The following ARRB1 variants were observed in gnomAD, a reference collection of about 807,000 sequenced individuals.
ARRB1 encodes beta-arrestin-1.
ARRB1 carries 21 observed loss-of-function variants against 56.8 expected under a neutral mutation model. That is an observed-to-expected ratio of 0.37 (90% confidence interval 0.26 to 0.53). The LOEUF (loss-of-function observed/expected upper bound fraction) is 0.53. Ranked by LOEUF, ARRB1 falls within the 20% of genes least tolerant of loss-of-function variation. The probability of loss-of-function intolerance (pLI) is 0.88; values close to 1 mark genes in which losing one functional copy is unlikely to be tolerated. For synonymous variants in ARRB1, 210 were observed against 218.6 expected, an observed-to-expected ratio of 0.96 and a Z score of 0.35; for missense variants, 424 against 553.7, an observed-to-expected ratio of 0.77 and a Z score of 2.35.
At chr11:75,269,300 C>T (rs927482267) in intron 13 of ARRB1, 6 of 445,294 alleles carry the variant, frequency 1.3e-5, no homozygotes, top group Non-Finnish European at 2.1e-5. Flanking sequence ...GCCCTGGGAC[C>T]CCCCCCCACC....
chr11:75,262,191 G>A lies in ARRB1; in HGVS notation c.*3972C>T, dbSNP rs1157590511. 6.6e-6 allele frequency: 1 copy of A among 152,240 alleles called. No individual in the cohort carries two copies. The highest frequency in any genetic ancestry group is 1.5e-5 in the Non-Finnish European group (1 of 68,058). 9.4% of individuals were successfully genotyped at this position (152,240 alleles called of 1,614,324 possible). A position where few individuals can be genotyped will look rare whatever the true frequency, so the allele number is the denominator to read the frequency against. ...GCCCTTAGATTTCTGCGGATGGGTG[G>A]TTTCAGCTCCCTGAGCCTGGGGGCT... On this transcript the variant is annotated 3_prime_UTR_variant, in exon 16 of 16. Transcript: ENST00000420843.
intron 15 of ARRB1, 26 bp downstream of exon 15, chr11:75,267,626 A>T: frequency 2.6e-6 from 2 of 779,286 alleles, no homozygotes; most frequent in Non-Finnish European, 4.2e-6. Context: ...CCACCCCCGG[A>T]TGTCTGCAGG....
intron 1 of ARRB1, among the ~76,000 whole-genome samples, chr11:75,331,661 T>A (rs367554507): frequency 6.6e-6 from 1 of 150,936 alleles, no homozygotes; most frequent in Non-Finnish European, 1.5e-5. Flanking sequence ...GCAAATCTTA[T>A]AAAACGGCCC....
intron 1 of ARRB1, chr11:75,306,724 G>T: frequency 1.6e-6 from 2 of 1,212,204 alleles, no homozygotes; most frequent in Non-Finnish European, 2.1e-6. Context: ...CCCAAGTGAG[G>T]GGTTAGTTAC....
At chr11:75,339,914 A>G (rs1315468902) in intron 1 of ARRB1, among the ~76,000 whole-genome samples, 1 of 152,174 alleles carries the variant, frequency 6.6e-6, no homozygotes, top group Non-Finnish European at 1.5e-5. Flanking sequence ...GCCCGGGGAG[A>G]TAGTGTTCCA....
rs547932744 is a variant in ARRB1 at position 75,344,715 on chromosome 11, C to T, written c.20+6873G>A. Among the ~76,000 whole-genome samples, 8 of 152,308 alleles carry T rather than the reference C, an allele frequency of 5.3e-5. No individual in the cohort carries two copies. In the South Asian group the frequency reaches 1.5e-3, roughly 28 times the overall value. ...GCCCAGGAACCATCTGAGATGATAC[C>T]TATTCTAATCCCAGGGCTCATGTGG... is the stretch of plus-strand genomic sequence containing the variant. On this transcript the variant is annotated intron_variant, in intron 1 of 15. Coordinates refer to ENST00000420843, the MANE Select transcript of ARRB1 (RefSeq NM_004041.5).
rs1242080136 is a variant in ARRB1 at position 75,272,006 on chromosome 11, T to C, written c.999-282A>G. On this transcript the variant is annotated intron_variant, in intron 12 of 15. Transcript: ENST00000420843. The stretch of plus-strand genomic sequence containing the variant: ...GCAGTGTAAAAATTAACCCCAGTGC[T>C]GCCTGTCCCAAGGGAGGCCGGACTA... Among the ~76,000 whole-genome samples the C allele has an allele frequency of 4.6e-5, 7 of 152,326 alleles. No homozygotes were observed. In the East Asian group the frequency reaches 1.2e-3, roughly 25 times the overall value.
At chr11:75,326,453 A>G (rs1208711423) in intron 1 of ARRB1, among the ~76,000 whole-genome samples, 2 of 152,228 alleles carry the variant, frequency 1.3e-5, no homozygotes, top group Non-Finnish European at 2.9e-5. Context: ...AAAGATGAAG[A>G]TTCTCATAAT....
At chr11:75,269,259 T>G in intron 13 of ARRB1, 3 of 607,770 alleles carry the variant, frequency 4.9e-6, no homozygotes, top group South Asian at 1.5e-5. Flanking sequence ...CGGGGCAGCA[T>G]GCACCGTGGT....
chr11:75,313,519 G>A (rs537682442), intron 1 of ARRB1, among the ~76,000 whole-genome samples: 1 of 152,308 alleles, frequency 6.6e-6, no homozygotes, highest in Admixed American at 6.5e-5. Flanking sequence ...GAGAGAACTG[G>A]AGAAGGTTAA....
chr11:75,350,249 G>A (rs1339400285), intron 1 of ARRB1, among the ~76,000 whole-genome samples: 1 of 152,188 alleles, frequency 6.6e-6, no homozygotes, highest in East Asian at 1.9e-4. Flanking sequence ...CCGGGGTGGT[G>A]TCTCTCTAGT....
rs1427141489 is a variant in ARRB1 at position 75,264,492 on chromosome 11, T to C, written c.*1671A>G. 1.3e-5 allele frequency: 2 copies of C among 152,258 alleles called. No individual in the cohort carries two copies. Among genetic ancestry groups the C allele is most frequent in the Admixed American group, 6.5e-5 (1 of 15,284 alleles). 9.4% of individuals were successfully genotyped at this position (152,258 alleles called of 1,614,324 possible). A position where few individuals can be genotyped will look rare whatever the true frequency, so the allele number is the denominator to read the frequency against. ...CCCCTCAGCCAAGCCTCAGCAAAGA[T>C]ATGCTCTGTCCCTCCTTGGGCAACT... On this transcript the variant is annotated 3_prime_UTR_variant, in exon 16 of 16. Transcript: ENST00000420843.
chr11:75,326,370 C>A (rs1043162483), intron 1 of ARRB1, among the ~76,000 whole-genome samples: 1 of 152,212 alleles, frequency 6.6e-6, no homozygotes, highest in African/African-American at 2.4e-5. Flanking sequence ...ACACGTAGTA[C>A]TTACTTTGTG....
At chr11:75,286,595 C>T (rs1033543686) in intron 3 of ARRB1, among the ~76,000 whole-genome samples, 5 of 152,016 alleles carry the variant, frequency 3.3e-5, no homozygotes, top group Non-Finnish European at 5.9e-5. Flanking sequence ...CTAACTGGAG[C>T]GTGAGGTACT....
At chr11:75,303,290 C>A (rs913897777) in intron 1 of ARRB1, among the ~76,000 whole-genome samples, 24 of 152,214 alleles carry the variant, frequency 1.6e-4, no homozygotes, top group Non-Finnish European at 1.6e-4. Context: ...GTGTGAGCCA[C>A]TGTGCCCCAC....
chr11:75,325,618 T>C (rs1192307445), intron 1 of ARRB1, among the ~76,000 whole-genome samples: 1 of 152,206 alleles, frequency 6.6e-6, no homozygotes, highest in Non-Finnish European at 1.5e-5. Context: ...CCACCATGCC[T>C]GGCCCAGTTT....
intron 1 of ARRB1, among the ~76,000 whole-genome samples, chr11:75,304,168 T>C (rs1461317166): frequency 6.6e-6 from 1 of 152,228 alleles, no homozygotes; most frequent in Non-Finnish European, 1.5e-5. Context: ...TTTGTTTGTT[T>C]TGCCAATTTC....
chr11:75,324,600 A>T (rs1436409997), intron 1 of ARRB1, among the ~76,000 whole-genome samples: 1 of 152,014 alleles, frequency 6.6e-6, no homozygotes, highest in Non-Finnish European at 1.5e-5. Context: ...AGGCCTGGGG[A>T]GTGTGCGTGT....
intron 4 of ARRB1, among the ~76,000 whole-genome samples, chr11:75,283,828 G>A (rs1031923525): frequency 2.6e-5 from 4 of 152,180 alleles, no homozygotes; most frequent in African/African-American, 7.2e-5. Flanking sequence ...GGGGACCTGG[G>A]GAAGGAGCAG....
Sources: allele counts gnomAD v4.1 joint callset (sites outside exome capture counted in the v4.1 genomes callset), GRCh38; gene constraint gnomAD v4.1.1; transcripts MANE v1.5; gene names NCBI Gene and HGNC (gene_info 2026-07-23, HGNC 2026-07-21).